KLHL7: variants seen among roughly 807,000 people sequenced by gnomAD.
KLHL7 encodes kelch like family member 7.
In KLHL7, 44 loss-of-function variants were observed where a neutral mutation model predicts 67.4. The observed-to-expected ratio is 0.65, with a 90% CI of 0.51 to 0.84. The LOEUF (loss-of-function observed/expected upper bound fraction) is 0.84. Among genes scored for constraint, KLHL7 ranks in the 40% least tolerant of loss-of-function variants. KLHL7 has a pLI of 0.00. For synonymous variants in KLHL7, 252 were observed against 243.3 expected (o/e 1.04, Z -0.33); for missense variants, 362 against 718.1 (o/e 0.50, Z 5.67).
intron 4 of KLHL7, among the ~76,000 whole-genome samples, chr7:23,132,754 T>C (rs973006145): frequency 2.6e-5 from 4 of 152,204 alleles, no homozygotes; most frequent in African/African-American, 9.6e-5. Context: ...CCCAGTGTTT[T>C]CTTGTTATTT....
intron 4 of KLHL7, among the ~76,000 whole-genome samples, chr7:23,135,873 C>A (rs1320341782): frequency 2.0e-5 from 3 of 152,194 alleles, no homozygotes; most frequent in East Asian, 1.9e-4. Context: ...ACCATAAATT[C>A]TTTCCATCCA....
intron 9 of KLHL7, chr7:23,172,725 A>G (rs1785200641): frequency 6.7e-6 from 3 of 449,278 alleles, no homozygotes; most frequent in Admixed American, 3.6e-5. Context: ...CTTATATCCT[A>G]TCAGAATTGA....
Position 23,133,230 on chromosome 7 carries a change from G to T in KLHL7, c.443-7539G>T, listed in dbSNP as rs897744053. Among the ~76,000 whole-genome samples, 9 of 152,180 alleles carry T rather than the reference G, an allele frequency of 5.9e-5. 1 individual carries two copies. In the South Asian group the frequency reaches 6.2e-4, roughly 11 times the overall value. On this transcript the variant is annotated intron_variant, in intron 4 of 10. Coordinates refer to ENST00000339077, the MANE Select transcript of KLHL7 (RefSeq NM_001031710.3). ...ACATTGAATCTGTAGATTGCTATGG[G>T]AAGTATGGACATTTTAGCAATATTG...
intron 6 of KLHL7, 139 bp downstream of exon 6, chr7:23,144,164 G>A (rs1784280708): frequency 1.3e-5 from 10 of 764,540 alleles, no homozygotes; most frequent in Non-Finnish European, 2.2e-5. Context: ...TAATCCCTTG[G>A]GTTTCTGAAC....
At position 23,174,706 on chromosome 7, in the gene KLHL7, A is replaced by C. The variant is rs538621754; in HGVS notation, c.*408A>C. 2.2e-6 allele frequency: 1 copy of C among 456,070 alleles called. No homozygotes were observed. Among genetic ancestry groups the C allele is most frequent in the African/African-American group, 2.0e-5 (1 of 50,090 alleles). The allele number at this position is 456,070 out of a possible 1,614,324, so 28.3% of individuals were successfully genotyped here. A position where few individuals can be genotyped will look rare whatever the true frequency, so the allele number is the denominator to read the frequency against. ...TCTGTTTGTGCTCAGTCAAGAACTA[A>C]GAAATAGTATGAATTGTAAGTCAAG... On this transcript the variant is annotated 3_prime_UTR_variant, in exon 11 of 11. Transcript: ENST00000339077.
intron 4 of KLHL7, among the ~76,000 whole-genome samples, chr7:23,137,501 CAG>C (rs1784021038): frequency 1.4e-5 from 2 of 147,216 alleles, no homozygotes; most frequent in African/African-American, 5.0e-5. Context: ...TTTTTTTTGA[CAG>C]AGTCTCATTC....
At chr7:23,134,493 C>A (rs777705858) in intron 4 of KLHL7, among the ~76,000 whole-genome samples, 2 of 152,084 alleles carry the variant, frequency 1.3e-5, no homozygotes, top group Non-Finnish European at 1.5e-5. Context: ...GTATTCCCCC[C>A]TCTTCTGTTT....
chr7:23,159,447 G>T (rs183573500), intron 7 of KLHL7, among the ~76,000 whole-genome samples: 124 of 152,222 alleles, frequency 8.1e-4, no homozygotes, highest in African/African-American at 2.8e-3. Flanking sequence ...TGGGATAAAA[G>T]TACCTGAACC....
At chr7:23,127,890 CAGT>C (rs1783635662) in intron 4 of KLHL7, among the ~76,000 whole-genome samples, 1 of 148,866 alleles carries the variant, frequency 6.7e-6, no homozygotes, top group Admixed American at 6.7e-5. Flanking sequence ...CAAAAAAAAA[CAGT>C]AGTTTGAGGA....
chr7:23,122,865 T>C (rs1783408362), intron 1 of KLHL7, among the ~76,000 whole-genome samples: 1 of 152,244 alleles, frequency 6.6e-6, no homozygotes, highest in African/African-American at 2.4e-5. Flanking sequence ...TTACTCTGAA[T>C]ATATTATTTG....
intron 4 of KLHL7, chr7:23,126,097 T>C: frequency 1.8e-6 from 1 of 551,220 alleles, no homozygotes; most frequent in Non-Finnish European, 3.3e-6. Flanking sequence ...TTAAGTAAAA[T>C]AAGGGTTACT....
At chr7:23,123,047 A>C (rs1184684336) in intron 1 of KLHL7, among the ~76,000 whole-genome samples, 2 of 152,170 alleles carry the variant, frequency 1.3e-5, no homozygotes, top group East Asian at 3.8e-4. Flanking sequence ...AGTAAGCCTT[A>C]AATTTTTTCT....
chr7:23,130,542 T>G (rs915577986), intron 4 of KLHL7, among the ~76,000 whole-genome samples: 2 of 152,358 alleles, frequency 1.3e-5, no homozygotes, highest in Admixed American at 1.3e-4. Context: ...ACTTGTTTTC[T>G]TTTGAAAATA....
chr7:23,172,918 C>A, intron 9 of KLHL7, 30 bp from the exon 10 acceptor site: 1 of 1,503,628 alleles, frequency 6.7e-7, no homozygotes, highest in Non-Finnish European at 9.3e-7. Flanking sequence ...TTCCTGTAAA[C>A]AAGCACACTA....
At chr7:23,133,043 G>A (rs979030462) in intron 4 of KLHL7, among the ~76,000 whole-genome samples, 1 of 152,134 alleles carries the variant, frequency 6.6e-6, no homozygotes, top group South Asian at 2.1e-4. Context: ...GATTACTATA[G>A]CTCTGTAGTA....
At position 23,167,734 on chromosome 7, in the gene KLHL7, C is replaced by T. The variant is rs149369778; in HGVS notation, c.1178-102C>T. 1.4e-3 allele frequency: 1,429 copies of T among 999,960 alleles called. 10 individuals carry two copies. The East Asian group carries it at 0.016, about 11-fold the overall frequency. The allele number at this position is 999,960 out of a possible 1,614,324, so 61.9% of individuals were successfully genotyped here. On this transcript the variant is annotated intron_variant, in intron 8 of 10. Transcript: ENST00000339077. Reference sequence around the variant, plus strand: ...ATTGAGTATGAAAATGGCCGTATGACCCTAAATTCTTCCTTCCTTAACTAA... The same window carrying T: ...ATTGAGTATGAAAATGGCCGTATGATCCTAAATTCTTCCTTCCTTAACTAA...
At chr7:23,165,571 C>G in intron 7 of KLHL7, 127 bp from the exon 8 acceptor site, 1 of 1,136,174 alleles carries the variant, frequency 8.8e-7, no homozygotes, top group Non-Finnish European at 1.3e-6. Flanking sequence ...AGTCTCAAGC[C>G]AAACATTTGT....
rs1320144873 is a variant in KLHL7 at position 23,144,021 on chromosome 7, G to C, written c.789G>C (p.Val263=). Residue 263 remains valine (V), a synonymous_variant, in exon 6 of 11, where the codon GTG becomes GTC. Coordinates refer to ENST00000339077, the MANE Select transcript of KLHL7 (RefSeq NM_001031710.3). ...ACAATCCTGAATGCCTTAAGATGGTGATAAGTAAGTTGCCTTAATAACCAT... is the reference window on the plus strand; with the variant it reads ...ACAATCCTGAATGCCTTAAGATGGTCATAAGTAAGTTGCCTTAATAACCAT... The part of the protein sequence containing the change: ...IQDNPECLKM[V]ISGMRYHLLS... 5.0e-6 allele frequency: 8 copies of C among 1,612,782 alleles called. No homozygotes were observed. The African/African-American group carries it at 8.0e-5, about 16-fold the overall frequency.
intron 4 of KLHL7, among the ~76,000 whole-genome samples, chr7:23,140,328 G>C (rs186202914): frequency 1.5e-3 from 228 of 152,334 alleles, no homozygotes; most frequent in African/African-American, 4.9e-3. Flanking sequence ...GCCAGGGTGG[G>C]CGGATCACGA....
Sources: gnomAD v4.1 joint callset for allele counts (sites outside exome capture counted in the v4.1 genomes callset) on GRCh38, gnomAD v4.1.1 for gene constraint, MANE v1.5 for transcripts, NCBI Gene and HGNC (gene_info 2026-07-23, HGNC 2026-07-21) for gene names.